GABRB3: variants seen among roughly 807,000 people sequenced by gnomAD.
GABRB3 encodes gamma-aminobutyric acid receptor subunit beta-3.
GABRB3 carries 14 observed loss-of-function variants against 52.1 expected under a neutral mutation model. That is an observed-to-expected ratio of 0.27 (90% CI 0.18 to 0.42). The LOEUF is 0.42. Among genes scored for constraint, GABRB3 ranks in the 10% least tolerant of loss-of-function variants. The probability of loss-of-function intolerance (pLI) is 1.00; values close to 1 mark genes in which losing one functional copy is unlikely to be tolerated. For synonymous variants in GABRB3, 260 were observed against 232.3 expected (o/e 1.12, Z -1.08); for missense variants, 307 against 609.1 (o/e 0.50, Z 5.22).
intron 3 of GABRB3, among the ~76,000 whole-genome samples, chr15:26,715,603 C>T (rs1365324663): frequency 1.3e-5 from 2 of 152,178 alleles, no homozygotes; most frequent in Admixed American, 1.3e-4. Context: ...TATTTATAAA[C>T]CGATTCTCTT....
At chr15:26,551,193 CAT>C (rs1457508973) in intron 8 of GABRB3, among the ~76,000 whole-genome samples, 1 of 152,146 alleles carries the variant, frequency 6.6e-6, no homozygotes, top group East Asian at 1.9e-4. Context: ...TTTTGTATGT[CAT>C]GTGAAAGAAT....
chr15:26,629,058 G>A (rs1218391442), intron 3 of GABRB3: 54 of 1,536,010 alleles, frequency 3.5e-5, no homozygotes, highest in Non-Finnish European at 4.5e-5. Context: ...AAGACTCCGA[G>A]AGCCTCCGCC....
At chr15:26,664,078 A>C (rs918894244) in intron 3 of GABRB3, among the ~76,000 whole-genome samples, 4 of 152,130 alleles carry the variant, frequency 2.6e-5, no homozygotes, top group Non-Finnish European at 5.9e-5. Flanking sequence ...ACAGGGTCTC[A>C]CTTTATTGCC....
chr15:26,745,994 C>T (rs1287903091), intron 3 of GABRB3, among the ~76,000 whole-genome samples: 19 of 152,186 alleles, frequency 1.2e-4, no homozygotes, highest in Admixed American at 1.2e-3. Flanking sequence ...TGTAAGGTAA[C>T]TGCAGATTTA....
chr15:26,685,879 A>T (rs755670399), intron 3 of GABRB3, among the ~76,000 whole-genome samples: 10 of 149,210 alleles, frequency 6.7e-5, no homozygotes, highest in Non-Finnish European at 1.2e-4. Context: ...ATCATAGCTC[A>T]CTGCAGCCTC....
intron 3 of GABRB3, among the ~76,000 whole-genome samples, chr15:26,702,130 T>G (rs1270145380): frequency 7.2e-5 from 11 of 152,198 alleles, no homozygotes; most frequent in East Asian, 3.9e-4. Flanking sequence ...AACCTAAAAC[T>G]ATAAACTTCT....
In GABRB3 at chr15:26,554,207, A is replaced by ATATATTTATTTATT. The variant is rs1348288306; in HGVS notation, c.1081-6074_1081-6073insAATAAATAAATATA. ...ATATATATACTATATATATATATAT[A>ATATATTTATTTATT]TAGTAGAAACAAGGTCTCTCTTTGT... On this transcript the variant is annotated intron_variant, in intron 8 of 8. Transcript: ENST00000311550. Among the ~76,000 whole-genome samples the ATATATTTATTTATT allele has an allele frequency of 2.2e-4, 13 of 57,832 alleles. 1 individual carries two copies. Among genetic ancestry groups the ATATATTTATTTATT allele is most frequent in the Non-Finnish European group, 3.3e-4 (8 of 24,144 alleles). The allele number at this position is 57,832 out of a possible 152,430, so 37.9% of individuals were successfully genotyped here.
chr15:26,744,157 G>A (rs890364676), intron 3 of GABRB3, among the ~76,000 whole-genome samples: 1 of 152,104 alleles, frequency 6.6e-6, no homozygotes, highest in Admixed American at 6.5e-5. Flanking sequence ...TATAAAAATA[G>A]CACAATCTAC....
At chr15:26,555,281 A>T (rs1889710753) in intron 8 of GABRB3, among the ~76,000 whole-genome samples, 1 of 152,212 alleles carries the variant, frequency 6.6e-6, no homozygotes, top group African/African-American at 2.4e-5. Context: ...GAAGAAAGGC[A>T]TTCTAGGTAG....
intron 3 of GABRB3, among the ~76,000 whole-genome samples, chr15:26,648,642 A>T (rs1595507523): frequency 6.6e-6 from 1 of 152,302 alleles, no homozygotes; most frequent in East Asian, 1.9e-4. Context: ...TGTGGCAAAA[A>T]ATTTGAGACA....
At chr15:26,766,537 C>A (rs1425704146) in intron 3 of GABRB3, among the ~76,000 whole-genome samples, 3 of 152,062 alleles carry the variant, frequency 2.0e-5, no homozygotes, top group African/African-American at 7.3e-5. Context: ...AAATGAAGAC[C>A]AAATCTACAA....
intron 3 of GABRB3, among the ~76,000 whole-genome samples, chr15:26,628,442 G>A (rs921128868): frequency 3.3e-5 from 5 of 152,182 alleles, no homozygotes; most frequent in African/African-American, 4.8e-5. Context: ...AGCAATCTAG[G>A]TTAAGTGCTA....
intron 3 of GABRB3, among the ~76,000 whole-genome samples, chr15:26,770,412 G>GT (rs1306752099): frequency 6.6e-6 from 1 of 152,326 alleles, no homozygotes. Context: ...ACAATGGCCT[G>GT]TATCTTCCAT....
At chr15:26,563,276 C>T (rs1158881972) in intron 7 of GABRB3, among the ~76,000 whole-genome samples, 1 of 152,214 alleles carries the variant, frequency 6.6e-6, no homozygotes. Context: ...AAATGAACCC[C>T]AGAGGGACCT....
At chr15:26,754,709 C>G (rs779876824) in intron 3 of GABRB3, among the ~76,000 whole-genome samples, 1 of 152,106 alleles carries the variant, frequency 6.6e-6, no homozygotes, top group Non-Finnish European at 1.5e-5. Context: ...TCCAATGAAT[C>G]GGTGCTCACT....
intron 3 of GABRB3, chr15:26,657,231 AT>A (rs1255579562): frequency 6.6e-6 from 1 of 152,138 alleles, no homozygotes; most frequent in Non-Finnish European, 1.5e-5. Flanking sequence ...TTAGTGCTTT[AT>A]TTAATGGAAT....
chr15:26,752,507 C>T (rs1890542105), intron 3 of GABRB3, among the ~76,000 whole-genome samples: 1 of 152,128 alleles, frequency 6.6e-6, no homozygotes, highest in African/African-American at 2.4e-5. Context: ...TCATGATCCA[C>T]TCGCCTTAGC....
intron 3 of GABRB3, among the ~76,000 whole-genome samples, chr15:26,763,522 A>G (rs1890876949): frequency 1.3e-5 from 2 of 152,024 alleles, no homozygotes; most frequent in Non-Finnish European, 2.9e-5. Flanking sequence ...AATTACAGTC[A>G]GCATAATTGG....
intron 3 of GABRB3, among the ~76,000 whole-genome samples, chr15:26,738,378 C>T (rs1370439959): frequency 1.3e-5 from 2 of 152,176 alleles, no homozygotes; most frequent in African/African-American, 4.8e-5. Context: ...CCACAGCACC[C>T]GTCCAGTCTT....
Sources: gnomAD v4.1 joint callset for allele counts (sites outside exome capture counted in the v4.1 genomes callset) on GRCh38, gnomAD v4.1.1 for gene constraint, MANE v1.5 for transcripts, NCBI Gene and HGNC (gene_info 2026-07-23, HGNC 2026-07-21) for gene names.